RBMS3: variants seen among roughly 807,000 people sequenced by gnomAD.
RBMS3 encodes RNA binding motif single stranded interacting protein 3, also known as RNA-binding motif, single-stranded-interacting protein 3.
A neutral mutation model predicts 66.8 loss-of-function variants in RBMS3; 27 were observed. That is an observed-to-expected ratio of 0.40 (90% confidence interval 0.30 to 0.56). RBMS3 has a LOEUF of 0.56. Ranked by LOEUF, RBMS3 falls within the 20% of genes least tolerant of loss-of-function variation. The pLI is 0.40. For missense variants in RBMS3, 513 were observed against 549.5 expected, an observed-to-expected ratio of 0.93 and a Z score of 0.66; for synonymous variants, 188 against 183.0, an observed-to-expected ratio of 1.03 and a Z score of -0.22.
chr3:29,856,045 A>G (rs1171665041), intron 6 of RBMS3, among the ~76,000 whole-genome samples: 1 of 152,220 alleles, frequency 6.6e-6, no homozygotes, highest in Non-Finnish European at 1.5e-5. Context: ...TCACACAAGA[A>G]TAAATGAAAT....
intron 6 of RBMS3, among the ~76,000 whole-genome samples, chr3:29,866,885 C>T (rs1350425918): frequency 6.6e-6 from 1 of 152,146 alleles, no homozygotes; most frequent in African/African-American, 2.4e-5. Flanking sequence ...TGAAAAACCA[C>T]TTGTGTTCAG....
chr3:29,802,951 G>A (rs189070250), intron 6 of RBMS3, among the ~76,000 whole-genome samples: 14 of 152,270 alleles, frequency 9.2e-5, no homozygotes, highest in South Asian at 6.2e-4. Flanking sequence ...CTTGATCGAG[G>A]TGAGGGAGTT....
At chr3:29,628,161 C>A (rs1252001142) in intron 4 of RBMS3, among the ~76,000 whole-genome samples, 1 of 152,100 alleles carries the variant, frequency 6.6e-6, no homozygotes, top group Non-Finnish European at 1.5e-5. Flanking sequence ...GGAACTCTTG[C>A]ACAGGTCAAC....
intron 1 of RBMS3, among the ~76,000 whole-genome samples, chr3:29,395,167 C>A (rs907111214): frequency 1.1e-4 from 16 of 152,170 alleles, no homozygotes; most frequent in East Asian, 3.8e-4. Context: ...GCATCAGGAG[C>A]CAGTTATCAA....
chr3:29,858,072 CAAAT>C (rs1489922807), intron 6 of RBMS3, among the ~76,000 whole-genome samples: 2 of 152,016 alleles, frequency 1.3e-5, no homozygotes, highest in Non-Finnish European at 2.9e-5. Context: ...ACTAAATAAA[CAAAT>C]TGGTAGATGT....
At chr3:29,989,135 A>T (rs958594328) in intron 13 of RBMS3, among the ~76,000 whole-genome samples, 3 of 152,316 alleles carry the variant, frequency 2.0e-5, no homozygotes, top group African/African-American at 4.8e-5. Context: ...ACAAGAAAGA[A>T]GTTGTACAAC....
chr3:29,720,338 A>G (rs572751667), intron 4 of RBMS3, among the ~76,000 whole-genome samples: 1 of 152,324 alleles, frequency 6.6e-6, no homozygotes, highest in South Asian at 2.1e-4. Flanking sequence ...GAAAATATAG[A>G]CAGGCACCCA....
At chr3:29,970,198 C>T (rs1223443050) in intron 12 of RBMS3, among the ~76,000 whole-genome samples, 6 of 152,054 alleles carry the variant, frequency 3.9e-5, no homozygotes, top group Non-Finnish European at 7.4e-5. Flanking sequence ...AAAAACTGTC[C>T]GTAGTAGCCT....
chr3:29,370,146 A>C (rs562134860), intron 1 of RBMS3, among the ~76,000 whole-genome samples: 1 of 152,332 alleles, frequency 6.6e-6, no homozygotes, highest in African/African-American at 2.4e-5. Context: ...GAATTTGAAC[A>C]ACCAAGTTGT....
At chr3:29,986,222 G>C (rs943513683) in intron 12 of RBMS3, among the ~76,000 whole-genome samples, 2 of 152,056 alleles carry the variant, frequency 1.3e-5, no homozygotes, top group Admixed American at 6.5e-5. Flanking sequence ...TTAAATTCAT[G>C]GTTGATAAAA....
rs201850631 is a variant in RBMS3, at chr3:29,348,571, T to TAA, written c.75+66830_75+66831dup. Among the ~76,000 whole-genome samples the TAA allele has an allele frequency of 3.4e-3, 489 of 143,462 alleles. 2 individuals carry two copies. Among genetic ancestry groups the TAA allele is most frequent in the Non-Finnish European group, 4.5e-3 (296 of 65,880 alleles). The allele number at this position is 143,462 out of a possible 152,430, so 94.1% of individuals were successfully genotyped here. A position where few individuals can be genotyped will look rare whatever the true frequency, so the allele number is the denominator to read the frequency against. On this transcript the variant is annotated intron_variant, in intron 1 of 14. Coordinates refer to ENST00000383767, the MANE Select transcript of RBMS3 (RefSeq NM_001003793.3). ...ATTTTCACTCTTGACTTCTCTCTGT[T>TAA]AAAAAAAAAAAAAAAATCAAATCAA...
chr3:29,448,661 G>T (rs538802111), intron 2 of RBMS3, among the ~76,000 whole-genome samples: 1 of 152,298 alleles, frequency 6.6e-6, no homozygotes, highest in South Asian at 2.1e-4. Flanking sequence ...AGGTAGAGTG[G>T]TCTACTCTTT....
chr3:29,295,471 C>T (rs747715296), intron 1 of RBMS3, among the ~76,000 whole-genome samples: 9 of 150,028 alleles, frequency 6.0e-5, no homozygotes, highest in Admixed American at 2.0e-4. Flanking sequence ...CAAGATACAG[C>T]GGGAAAATGT....
At chr3:29,510,508 G>A (rs1459842380) in intron 3 of RBMS3, among the ~76,000 whole-genome samples, 1 of 152,106 alleles carries the variant, frequency 6.6e-6, no homozygotes. Flanking sequence ...TGTACCATAT[G>A]ATACAGGTTG....
At chr3:29,556,162 T>G (rs1055152533) in intron 3 of RBMS3, among the ~76,000 whole-genome samples, 1 of 152,204 alleles carries the variant, frequency 6.6e-6, no homozygotes, top group African/African-American at 2.4e-5. Context: ...AATCATCTTT[T>G]GCTTTGAAAA....
chr3:29,602,401 T>C (rs1398500649), intron 4 of RBMS3, among the ~76,000 whole-genome samples: 1 of 152,024 alleles, frequency 6.6e-6, no homozygotes. Flanking sequence ...ATTAGTAACT[T>C]GTGCATATGG....
At chr3:29,940,722 A>G (rs1374817899) in intron 11 of RBMS3, among the ~76,000 whole-genome samples, 1 of 151,016 alleles carries the variant, frequency 6.6e-6, no homozygotes, top group Non-Finnish European at 1.5e-5. Context: ...TTATTGTTCA[A>G]TTCTCTATTT....
intron 4 of RBMS3, among the ~76,000 whole-genome samples, chr3:29,675,095 A>G (rs1420426347): frequency 1.3e-5 from 2 of 152,222 alleles, no homozygotes; most frequent in African/African-American, 4.8e-5. Flanking sequence ...CCAATGGAAC[A>G]GAACAGAGCC....
chr3:29,723,149 G>A (rs1359963099), intron 4 of RBMS3, among the ~76,000 whole-genome samples: 1 of 150,022 alleles, frequency 6.7e-6, no homozygotes, highest in African/African-American at 2.5e-5. Flanking sequence ...CTAATTTTTT[G>A]TATTTTTAGT....
Sources: gnomAD v4.1 joint callset for allele counts (sites outside exome capture counted in the v4.1 genomes callset) on GRCh38, gnomAD v4.1.1 for gene constraint, MANE v1.5 for transcripts, NCBI Gene and HGNC (gene_info 2026-07-23, HGNC 2026-07-21) for gene names.